Variants in NRG1 observed in about 807,000 individuals in gnomAD.
The protein encoded by NRG1 is pro-neuregulin-1, membrane-bound isoform.
In NRG1, 18 loss-of-function variants were observed where a neutral mutation model predicts 63.8. The ratio of observed to expected loss-of-function variants is 0.28; its 90% CI spans 0.19 to 0.42. The LOEUF is 0.42. NRG1 is among the 10% of genes least tolerant of loss of function. NRG1 has a pLI of 1.00. For missense variants in NRG1, 762 were observed against 814.7 expected (o/e 0.94, Z 0.79); for synonymous variants, 302 against 301.3 (o/e 1.00, Z -0.02).
chr8:32,303,639 C>T (rs949771984), intron 1 of NRG1, among the ~76,000 whole-genome samples: 1 of 152,204 alleles, frequency 6.6e-6, no homozygotes, highest in Non-Finnish European at 1.5e-5. Flanking sequence ...GAAAATCACT[C>T]CAGTTAATTC....
chr8:31,839,777 G>A (rs1015598588), intron 1 of NRG1, among the ~76,000 whole-genome samples: 4 of 152,134 alleles, frequency 2.6e-5, no homozygotes, highest in Non-Finnish European at 4.4e-5. Flanking sequence ...CACTTTCAGC[G>A]TCTTAGCTCT....
At chr8:32,749,272 G>A (rs1333588540) in intron 7 of NRG1, 3 of 433,888 alleles carry the variant, frequency 6.9e-6, no homozygotes, top group Non-Finnish European at 1.2e-5. Flanking sequence ...AAATAATTTA[G>A]GGGATAGTTC....
intron 5 of NRG1, among the ~76,000 whole-genome samples, chr8:32,697,271 G>T (rs139462016): frequency 3.3e-5 from 5 of 152,324 alleles, no homozygotes; most frequent in African/African-American, 1.2e-4. Flanking sequence ...CTTTGTCATG[G>T]CTATAATTTT....
intron 1 of NRG1, among the ~76,000 whole-genome samples, chr8:31,675,735 T>C (rs912265514): frequency 6.6e-6 from 1 of 152,156 alleles, no homozygotes; most frequent in African/African-American, 2.4e-5. Flanking sequence ...CACCTTACAA[T>C]TGGAAAAAAA....
At chr8:32,335,095 A>G (rs1007409192) in intron 1 of NRG1, among the ~76,000 whole-genome samples, 1 of 152,340 alleles carries the variant, frequency 6.6e-6, no homozygotes, top group Admixed American at 6.5e-5. Context: ...ATATTATACC[A>G]TAGGATTTAA....
intron 1 of NRG1, among the ~76,000 whole-genome samples, chr8:32,076,341 G>C (rs74777816): frequency 6.6e-6 from 1 of 152,082 alleles, no homozygotes; most frequent in Admixed American, 6.5e-5. Flanking sequence ...TCATGTATGC[G>C]TATTTCAAAT....
At chr8:32,344,374 C>CTTT (rs1381093360) in intron 1 of NRG1, among the ~76,000 whole-genome samples, 1 of 96,848 alleles carries the variant, frequency 1.0e-5, no homozygotes, top group Non-Finnish European at 2.1e-5. Context: ...TTCTTTCTTT[C>CTTT]TTTCTTTCTC....
chr8:31,957,082 G>A (rs2129624807), intron 1 of NRG1, among the ~76,000 whole-genome samples: 1 of 152,198 alleles, frequency 6.6e-6, no homozygotes, highest in South Asian at 2.1e-4. Flanking sequence ...TGTTAAAAGT[G>A]ATAGTTGCCA....
intron 1 of NRG1, among the ~76,000 whole-genome samples, chr8:32,280,690 T>TG (rs1491371886): frequency 1.3e-5 from 1 of 74,754 alleles, no homozygotes; most frequent in Non-Finnish European, 2.8e-5. Context: ...GTTTTTTTTT[T>TG]GTTTTTTTTT....
chr8:32,315,730 T>A (rs1187842274), intron 1 of NRG1, among the ~76,000 whole-genome samples: 1 of 152,196 alleles, frequency 6.6e-6, no homozygotes, highest in Non-Finnish European at 1.5e-5. Context: ...TAACTCTACG[T>A]GATGTGTGTC....
At chr8:31,973,950 TGA>T (rs1363960591) in intron 1 of NRG1, among the ~76,000 whole-genome samples, 1 of 151,992 alleles carries the variant, frequency 6.6e-6, no homozygotes, top group African/African-American at 2.4e-5. Context: ...TTTTCAAGAG[TGA>T]GAATCATGGG....
At chr8:31,983,414 G>A (rs1451330617) in intron 1 of NRG1, among the ~76,000 whole-genome samples, 1 of 151,976 alleles carries the variant, frequency 6.6e-6, no homozygotes, top group Non-Finnish European at 1.5e-5. Context: ...ATCTCACTCT[G>A]TTGCCCAGAC....
At chr8:31,814,779 T>C (rs1176966947) in intron 1 of NRG1, among the ~76,000 whole-genome samples, 1 of 151,992 alleles carries the variant, frequency 6.6e-6, no homozygotes, top group Non-Finnish European at 1.5e-5. Flanking sequence ...TTCATTTATC[T>C]GCAACATTTC....
chr8:31,915,889 T>A (rs1833341518), intron 1 of NRG1, among the ~76,000 whole-genome samples: 1 of 152,270 alleles, frequency 6.6e-6, no homozygotes, highest in African/African-American at 2.4e-5. Context: ...AGAAATTATT[T>A]TTTAAGAAAC....
intron 5 of NRG1, among the ~76,000 whole-genome samples, chr8:32,636,693 TA>T (rs1365691959): frequency 6.6e-6 from 1 of 152,110 alleles, no homozygotes; most frequent in African/African-American, 2.4e-5. Context: ...CCCTTCTCAA[TA>T]AAAAAATGGT....
intron 1 of NRG1, among the ~76,000 whole-genome samples, chr8:32,149,467 A>G (rs375707993): frequency 6.6e-6 from 1 of 152,100 alleles, no homozygotes; most frequent in Non-Finnish European, 1.5e-5. Context: ...ACACTCCAAC[A>G]TGAAGGGATG....
chr8:32,518,855 G>A (rs571672663), intron 1 of NRG1, among the ~76,000 whole-genome samples: 10 of 152,268 alleles, frequency 6.6e-5, no homozygotes, highest in South Asian at 2.1e-4. Flanking sequence ...AATTTTATTC[G>A]TAATTAAAAA....
Position 32,243,250 on chromosome 8 carries a change from G to A in NRG1, c.38-352578G>A, listed in dbSNP as rs144077491. Among the ~76,000 whole-genome samples the A allele has an allele frequency of 1.8e-4, 28 of 152,030 alleles. No individual in the cohort carries two copies. In the East Asian group the frequency reaches 3.7e-3, roughly 20 times the overall value. On this transcript the variant is annotated intron_variant, in intron 1 of 10. Coordinates refer to the NRG1 transcript ENST00000519301. ...ACGAGCCTGGCCAACATGGTGAAACGTGTCTCTGCAAAATAATACAAAAAT... is the reference window on the plus strand; with the variant it reads ...ACGAGCCTGGCCAACATGGTGAAACATGTCTCTGCAAAATAATACAAAAAT...
At chr8:32,420,455 C>T (rs1816564410) in intron 1 of NRG1, among the ~76,000 whole-genome samples, 1 of 151,958 alleles carries the variant, frequency 6.6e-6, no homozygotes, top group African/African-American at 2.4e-5. Context: ...GGCTCAACAT[C>T]GAAGGTTCTT....
Sources: gnomAD v4.1 joint callset for allele counts (sites outside exome capture counted in the v4.1 genomes callset) on GRCh38, gnomAD v4.1.1 for gene constraint, MANE v1.5 for transcripts, NCBI Gene and HGNC (gene_info 2026-07-23, HGNC 2026-07-21) for gene names.